Variants in MALRD1 observed in about 807,000 individuals in gnomAD.
MALRD1 encodes MAM and LDL-receptor class A domain-containing protein 1.
Under a neutral mutation model 242.1 loss-of-function variants are expected in MALRD1, and 247 were observed. That is an observed-to-expected ratio of 1.02 (90% CI 0.92 to 1.13). The LOEUF (loss-of-function observed/expected upper bound fraction) is 1.13, where lower values mean the gene tolerates loss of function less well. Among genes scored for constraint, MALRD1 ranks in the 50% most tolerant of loss-of-function variants. The pLI, the probability that MALRD1 is intolerant of heterozygous loss-of-function variation, is 0.00. For missense variants in MALRD1, 2,989 were observed against 2,533.1 expected, an observed-to-expected ratio of 1.18 and a Z score of -3.86; for synonymous variants, 995 against 866.6, an observed-to-expected ratio of 1.15 and a Z score of -2.60.
At chr10:19,411,494 C>A (rs911087671) in intron 28 of MALRD1, among the ~76,000 whole-genome samples, 4 of 152,154 alleles carry the variant, frequency 2.6e-5, no homozygotes, top group Admixed American at 2.6e-4. Flanking sequence ...ACTACATGAT[C>A]TTATTTAATG....
intron 36 of MALRD1, among the ~76,000 whole-genome samples, chr10:19,653,491 T>C (rs965302476): frequency 2.6e-5 from 4 of 152,162 alleles, no homozygotes; most frequent in Non-Finnish European, 5.9e-5. Context: ...CAGATCTAAA[T>C]TGTTGTTCCA....
chr10:19,734,185 T>C lies in MALRD1; in HGVS notation c.6419T>C (p.Leu2140Ser). The C allele has an allele frequency of 1.3e-6, 2 of 1,535,804 alleles. No individual in the cohort carries two copies. The highest frequency in any genetic ancestry group is 1.7e-6 in the Non-Finnish European group (2 of 1,146,744). ...TCTGTCTATTCCTTCTCAAACCCATTATATGGCACAACATCAGGAAGCCTG... is the reference window on the plus strand; with the variant it reads ...TCTGTCTATTCCTTCTCAAACCCATCATATGGCACAACATCAGGAAGCCTG... The part of the protein sequence containing the change: ...ESSVYSFSNP[L>S]YGTTSGSLET... The change falls in exon 40 of 40, where the codon TTA (leucine) becomes TCA (serine). Residue 2140 changes from leucine (L) to serine (S), a missense_variant. Transcript: ENST00000454679.
chr10:19,504,909 C>T (rs1838138638), intron 31 of MALRD1, among the ~76,000 whole-genome samples: 1 of 151,464 alleles, frequency 6.6e-6, no homozygotes, highest in Non-Finnish European at 1.5e-5. Flanking sequence ...GTCTCGATCT[C>T]CTGACCTCAT....
intron 28 of MALRD1, among the ~76,000 whole-genome samples, chr10:19,395,674 A>T (rs1029694570): frequency 2.0e-5 from 3 of 152,224 alleles, no homozygotes; most frequent in Non-Finnish European, 4.4e-5. Flanking sequence ...AGATATCAAC[A>T]CACCCAGAGT....
chr10:19,705,053 T>C (rs1833800093), intron 38 of MALRD1, among the ~76,000 whole-genome samples: 2 of 152,210 alleles, frequency 1.3e-5, no homozygotes, highest in Admixed American at 1.3e-4. Flanking sequence ...GTACAGAATA[T>C]TGTTTGAGAT....
chr10:19,641,677 G>A (rs1008072388), intron 36 of MALRD1, among the ~76,000 whole-genome samples: 1 of 152,146 alleles, frequency 6.6e-6, no homozygotes, highest in African/African-American at 2.4e-5. Flanking sequence ...AATTAGCATT[G>A]TGGCTATGTT....
intron 36 of MALRD1, among the ~76,000 whole-genome samples, chr10:19,679,709 T>C (rs927513613): frequency 6.6e-6 from 1 of 152,162 alleles, no homozygotes; most frequent in Non-Finnish European, 1.5e-5. Context: ...GGGTTTTTTT[T>C]CCTCTTGGTT....
intron 26 of MALRD1, among the ~76,000 whole-genome samples, chr10:19,356,402 A>T (rs1191644402): frequency 6.6e-6 from 1 of 152,154 alleles, no homozygotes; most frequent in East Asian, 1.9e-4. Flanking sequence ...TGAATTTCCA[A>T]TAGAGTCACA....
intron 34 of MALRD1, among the ~76,000 whole-genome samples, chr10:19,607,347 C>A (rs1838687585): frequency 6.6e-6 from 1 of 152,106 alleles, no homozygotes; most frequent in African/African-American, 2.4e-5. Context: ...TCTCCTAAGG[C>A]CTCTCTCCTT....
At chr10:19,349,013 G>A (rs997688601) in intron 25 of MALRD1, among the ~76,000 whole-genome samples, 1 of 152,072 alleles carries the variant, frequency 6.6e-6, no homozygotes, top group Non-Finnish European at 1.5e-5. Flanking sequence ...CCAGGCTGGA[G>A]TGCAGTGGCG....
intron 21 of MALRD1, among the ~76,000 whole-genome samples, chr10:19,300,730 A>C (rs1028488517): frequency 3.9e-5 from 6 of 152,202 alleles, no homozygotes; most frequent in African/African-American, 1.4e-4. Flanking sequence ...TAAAACACTT[A>C]AATGTAAAAC....
At chr10:19,086,348 T>C (rs1447384875) in intron 2 of MALRD1, among the ~76,000 whole-genome samples, 1 of 152,086 alleles carries the variant, frequency 6.6e-6, no homozygotes, top group Non-Finnish European at 1.5e-5. Context: ...TATGTCATCA[T>C]AGACATCATC....
intron 2 of MALRD1, among the ~76,000 whole-genome samples, chr10:19,068,332 T>A (rs2131247928): frequency 6.6e-6 from 1 of 152,154 alleles, no homozygotes; most frequent in East Asian, 1.9e-4. Context: ...TGCATATTTT[T>A]AATTGCCTAG....
intron 34 of MALRD1, among the ~76,000 whole-genome samples, chr10:19,604,965 G>T (rs1005092704): frequency 3.3e-5 from 5 of 151,934 alleles, no homozygotes; most frequent in Non-Finnish European, 5.9e-5. Context: ...TTATCTTTAA[G>T]ATTTTGCTTT....
intron 29 of MALRD1, chr10:19,489,303 A>G: frequency 2.0e-6 from 1 of 510,512 alleles, no homozygotes. Context: ...GTGGCTAACC[A>G]CGAAAGTAAA....
At chr10:19,284,110 G>A (rs906128713) in intron 21 of MALRD1, among the ~76,000 whole-genome samples, 26 of 152,318 alleles carry the variant, frequency 1.7e-4, no homozygotes, top group African/African-American at 5.5e-4. Flanking sequence ...GGTGGGATAA[G>A]AAGAGCAGAC....
At chr10:19,165,265 A>ATATATATATATATATATATT in intron 12 of MALRD1, among the ~76,000 whole-genome samples, 2 of 130,308 alleles carry the variant, frequency 1.5e-5, no homozygotes, top group East Asian at 2.2e-4. Flanking sequence ...ATATATATAT[A>ATATATATATATATATATATT]TTTTGTTTTG....
chr10:19,350,871 C>T (rs994860441), intron 25 of MALRD1, among the ~76,000 whole-genome samples: 3 of 151,656 alleles, frequency 2.0e-5, no homozygotes, highest in Non-Finnish European at 2.9e-5. Context: ...AGAGGTTGGC[C>T]CCTGGCCACT....
chr10:19,272,171 A>T (rs900457214), intron 19 of MALRD1, among the ~76,000 whole-genome samples: 1 of 152,126 alleles, frequency 6.6e-6, no homozygotes, highest in African/African-American at 2.4e-5. Context: ...ATCAAAATTT[A>T]AAAATTATAG....
Sources: allele counts gnomAD v4.1 joint callset (sites outside exome capture counted in the v4.1 genomes callset), GRCh38; gene constraint gnomAD v4.1.1; transcripts MANE v1.5; gene names NCBI Gene and HGNC (gene_info 2026-07-23, HGNC 2026-07-21).